The following THSD7B variants were observed in gnomAD, a reference collection of about 807,000 sequenced individuals.
The protein encoded by THSD7B is thrombospondin type 1 domain containing 7B.
THSD7B carries 138 observed loss-of-function variants against 213.6 expected under a neutral mutation model. That is an observed-to-expected ratio of 0.65 (90% CI 0.56 to 0.74). The LOEUF is 0.74. THSD7B is among the 30% of genes least tolerant of loss of function. The pLI is 0.00. For synonymous variants in THSD7B, 742 were observed against 687.0 expected (o/e 1.08, Z -1.25); for missense variants, 1,931 against 1,991.5 (o/e 0.97, Z 0.58).
At chr2:137,182,946 A>T (rs1382365094) in intron 7 of THSD7B, among the ~76,000 whole-genome samples, 1 of 152,176 alleles carries the variant, frequency 6.6e-6, no homozygotes, top group Admixed American at 6.6e-5. Flanking sequence ...TTCTTAAAAC[A>T]GTTCCTGGCA....
chr2:137,485,282 C>G (rs1372211742), intron 15 of THSD7B, among the ~76,000 whole-genome samples: 32 of 147,068 alleles, frequency 2.2e-4, no homozygotes, highest in African/African-American at 8.1e-4. Context: ...ATAGGGAATC[C>G]TTTCCCCATT....
At chr2:137,373,936 C>T (rs1434524528) in intron 12 of THSD7B, among the ~76,000 whole-genome samples, 1 of 152,154 alleles carries the variant, frequency 6.6e-6, no homozygotes, top group East Asian at 1.9e-4. Context: ...GTTTTCCCAG[C>T]ACCATTTATT....
At chr2:136,873,033 A>AAG (rs1470330211) in intron 1 of THSD7B, among the ~76,000 whole-genome samples, 49 of 149,664 alleles carry the variant, frequency 3.3e-4, no homozygotes, top group African/African-American at 1.1e-3. Flanking sequence ...AAAAAAAAAA[A>AAG]AAAAAAAAAA....
chr2:137,371,674 A>T (rs1685537313), intron 12 of THSD7B, among the ~76,000 whole-genome samples: 1 of 151,912 alleles, frequency 6.6e-6, no homozygotes, highest in Non-Finnish European at 1.5e-5. Context: ...TATTTTTCTA[A>T]TTTTTTTCTC....
intron 12 of THSD7B, among the ~76,000 whole-genome samples, chr2:137,374,032 G>A (rs1685594875): frequency 6.6e-6 from 1 of 151,948 alleles, no homozygotes; most frequent in African/African-American, 2.4e-5. Context: ...TATTTCTGAG[G>A]GCTCTGTTCT....
chr2:137,676,534 A>C lies in THSD7B; in HGVS notation c.4750A>C (p.Lys1584Gln). The C allele has an allele frequency of 6.3e-7, 1 of 1,596,448 alleles. No individual in the cohort carries two copies. Among genetic ancestry groups the C allele is most frequent in the Non-Finnish European group, 8.5e-7 (1 of 1,171,920 alleles). The change falls in exon 28 of 28, where the codon AAA becomes CAA. Residue 1584 changes from lysine (K) to glutamine (Q), a missense_variant. Lys to Gln is a moderately conservative substitution (Grantham distance 53). Coordinates refer to ENST00000409968, the MANE Select transcript of THSD7B (RefSeq NM_001316349.2). ...FTSYLVCKKP[K>Q]PHQSTPPQQK... is the part of the protein sequence containing the mutation. ...TTTTTCCCTTTGCAGCAAGAAGCCA[A>C]AACCACATCAAAGCACACCTCCCCA...
chr2:137,078,086 A>C (rs60723447), intron 3 of THSD7B, among the ~76,000 whole-genome samples: 31 of 152,168 alleles, frequency 2.0e-4, no homozygotes, highest in South Asian at 4.1e-4. Context: ...ATAGGGAATC[A>C]TTTCCCCATT....
chr2:137,199,327 T>G (rs2105022574), intron 7 of THSD7B, among the ~76,000 whole-genome samples: 1 of 152,324 alleles, frequency 6.6e-6, no homozygotes, highest in South Asian at 2.1e-4. Context: ...ATGCCCACTG[T>G]AAATACTTTA....
At chr2:137,470,007 A>T (rs1688062427) in intron 15 of THSD7B, among the ~76,000 whole-genome samples, 1 of 152,238 alleles carries the variant, frequency 6.6e-6, no homozygotes, top group African/African-American at 2.4e-5. Context: ...TTTAGTACTA[A>T]GTACAAATTT....
intron 7 of THSD7B, among the ~76,000 whole-genome samples, chr2:137,222,243 T>G (rs1280100993): frequency 6.6e-6 from 1 of 152,176 alleles, no homozygotes; most frequent in Non-Finnish European, 1.5e-5. Flanking sequence ...TTTCCTCACT[T>G]ATGGCAGGTA....
chr2:137,186,797 T>G (rs1347772650), intron 7 of THSD7B, among the ~76,000 whole-genome samples: 4 of 152,228 alleles, frequency 2.6e-5, no homozygotes, highest in Admixed American at 2.6e-4. Flanking sequence ...TACATTGTTT[T>G]GAACAGTATG....
At chr2:137,653,091 C>T (rs933711123) in intron 21 of THSD7B, among the ~76,000 whole-genome samples, 4 of 150,178 alleles carry the variant, frequency 2.7e-5, no homozygotes, top group African/African-American at 9.9e-5. Context: ...GAAGAACCCC[C>T]TTTAGCATTT....
chr2:136,794,963 T>C (rs1682035580), intron 1 of THSD7B, among the ~76,000 whole-genome samples: 1 of 151,962 alleles, frequency 6.6e-6, no homozygotes, highest in South Asian at 2.1e-4. Context: ...TGTCTAGCAT[T>C]ACTATAGCCA....
chr2:136,815,142 G>A (rs925864093), intron 1 of THSD7B, among the ~76,000 whole-genome samples: 2 of 152,172 alleles, frequency 1.3e-5, no homozygotes, highest in African/African-American at 4.8e-5. Flanking sequence ...TAAGTTTGCC[G>A]ACTCTTGTTC....
chr2:137,659,623 AAT>A, intron 24 of THSD7B, 39 bp from the exon 25 acceptor site: 1 of 1,536,284 alleles, frequency 6.5e-7, no homozygotes, highest in East Asian at 2.4e-5. Context: ...AGAAATATCT[AAT>A]AGAGAAATCT....
At chr2:136,820,033 C>T (rs1558815657) in intron 1 of THSD7B, among the ~76,000 whole-genome samples, 1 of 152,174 alleles carries the variant, frequency 6.6e-6, no homozygotes, top group Non-Finnish European at 1.5e-5. Flanking sequence ...CCTGACCACC[C>T]TACTTAAAAT....
rs1470178032 is a variant in THSD7B at position 137,150,766 on chromosome 2, A to C, written c.1370-9447A>C. Among the ~76,000 whole-genome samples the C allele has an allele frequency of 3.3e-5, 5 of 152,164 alleles. No individual in the cohort carries two copies. In the East Asian group the frequency reaches 9.6e-4, roughly 29 times the overall value. The stretch of plus-strand genomic sequence containing the variant: ...TCTTTGTACATCATAGAGTGTACTT[A>C]CACAAATCTAGTTGGGATAGTCCAC... On this transcript the variant is annotated intron_variant, in intron 5 of 27. Transcript: ENST00000409968.
chr2:137,371,212 T>A (rs1056247606), intron 12 of THSD7B, among the ~76,000 whole-genome samples: 2 of 152,182 alleles, frequency 1.3e-5, no homozygotes, highest in Non-Finnish European at 2.9e-5. Flanking sequence ...CTCTCTCCCC[T>A]ACTCTTCCTT....
chr2:136,976,032 A>C (rs1302855000), intron 2 of THSD7B, among the ~76,000 whole-genome samples: 1 of 152,108 alleles, frequency 6.6e-6, no homozygotes, highest in Non-Finnish European at 1.5e-5. Context: ...TAGCACCTTG[A>C]TTTTGTATCC....
Sources: gnomAD v4.1 joint callset for allele counts (sites outside exome capture counted in the v4.1 genomes callset) on GRCh38, gnomAD v4.1.1 for gene constraint, MANE v1.5 for transcripts, NCBI Gene and HGNC (gene_info 2026-07-23, HGNC 2026-07-21) for gene names.